The following NCAM1 variants were observed in gnomAD, a reference collection of about 807,000 sequenced individuals.
NCAM1 encodes the protein neural cell adhesion molecule 1.
Under a neutral mutation model 109.8 loss-of-function variants are expected in NCAM1, and 14 were observed. The observed-to-expected ratio is 0.13, with a 90% CI of 0.08 to 0.20. The LOEUF is 0.20. Ranked by LOEUF, NCAM1 falls within the 10% of genes least tolerant of loss-of-function variation. The pLI is 1.00. For synonymous variants in NCAM1, 418 were observed against 442.9 expected, an observed-to-expected ratio of 0.94 and a Z score of 0.70; for missense variants, 774 against 1,109.9, an observed-to-expected ratio of 0.70 and a Z score of 4.30.
chr11:113,238,570 C>G (rs1555118710), intron 14 of NCAM1, among the ~76,000 whole-genome samples: 2 of 152,166 alleles, frequency 1.3e-5, no homozygotes, highest in Non-Finnish European at 1.5e-5. Flanking sequence ...CCTTTTGCTG[C>G]TAGGAACTGA....
At chr11:113,091,679 G>C (rs989518056) in intron 1 of NCAM1, among the ~76,000 whole-genome samples, 1 of 152,174 alleles carries the variant, frequency 6.6e-6, no homozygotes, top group Non-Finnish European at 1.5e-5. Context: ...TAGTGCTGCT[G>C]GTTCTTAAAA....
chr11:113,194,214 C>T (rs1161844821), intron 1 of NCAM1, among the ~76,000 whole-genome samples: 1 of 152,140 alleles, frequency 6.6e-6, no homozygotes, highest in Non-Finnish European at 1.5e-5. Context: ...AATAAAATAT[C>T]GGATAATCAT....
At chr11:113,267,366 A>C (rs1372293138) in intron 17 of NCAM1, among the ~76,000 whole-genome samples, 1 of 151,968 alleles carries the variant, frequency 6.6e-6, no homozygotes, top group Non-Finnish European at 1.5e-5. Flanking sequence ...AGAAAGTGGC[A>C]GATAGTAGTT....
At chr11:113,033,640 G>A (rs1473983724) in intron 1 of NCAM1, among the ~76,000 whole-genome samples, 1 of 152,122 alleles carries the variant, frequency 6.6e-6, no homozygotes. Context: ...GTGGATCTAC[G>A]CTTCCTTCTG....
intron 11 of NCAM1, 41 bp downstream of exon 11, chr11:113,232,395 G>A: frequency 1.3e-6 from 2 of 1,553,710 alleles, no homozygotes; most frequent in Non-Finnish European, 8.7e-7. Context: ...AGAAAGCACA[G>A]TTTGACTCTA....
intron 18 of NCAM1, among the ~76,000 whole-genome samples, chr11:113,271,198 C>T (rs369720805): frequency 3.8e-4 from 58 of 151,762 alleles, no homozygotes; most frequent in South Asian, 1.0e-3. Flanking sequence ...GGCGAAGCCC[C>T]GCCTCTACTA....
intron 1 of NCAM1, among the ~76,000 whole-genome samples, chr11:113,148,319 G>T (rs1183743023): frequency 6.6e-6 from 1 of 151,570 alleles, no homozygotes; most frequent in African/African-American, 2.4e-5. Flanking sequence ...TCAGTCACCT[G>T]GGCCAGTTCT....
intron 1 of NCAM1, among the ~76,000 whole-genome samples, chr11:113,177,463 C>G (rs1026083173): frequency 6.6e-6 from 1 of 152,148 alleles, no homozygotes; most frequent in Non-Finnish European, 1.5e-5. Context: ...TTGCTGGAGT[C>G]TCGCTCTGTC....
intron 7 of NCAM1, among the ~76,000 whole-genome samples, chr11:113,213,585 T>TC (rs1591424270): frequency 6.6e-6 from 1 of 152,278 alleles, no homozygotes; most frequent in East Asian, 1.9e-4. Context: ...TCACCTGGAC[T>TC]CCTTCTTATT....
At chr11:113,104,731 A>G (rs1212916318) in intron 1 of NCAM1, among the ~76,000 whole-genome samples, 2 of 152,170 alleles carry the variant, frequency 1.3e-5, no homozygotes, top group African/African-American at 4.8e-5. Context: ...GTCGCTTTGG[A>G]ATAAATTGGG....
At chr11:113,025,483 T>C (rs907320890) in intron 1 of NCAM1, among the ~76,000 whole-genome samples, 1 of 152,038 alleles carries the variant, frequency 6.6e-6, no homozygotes, top group Non-Finnish European at 1.5e-5. Context: ...AGGAGACACA[T>C]GGTGTAAACG....
intron 1 of NCAM1, among the ~76,000 whole-genome samples, chr11:113,078,207 A>T (rs1357308833): frequency 6.6e-6 from 1 of 151,936 alleles, no homozygotes; most frequent in Non-Finnish European, 1.5e-5. Context: ...TGGCTCCGAG[A>T]GTTCCTTGGT....
chr11:113,053,080 C>A (rs12577005), intron 1 of NCAM1, among the ~76,000 whole-genome samples: 62,598 of 151,968 alleles, frequency 0.41, 14,461 homozygotes, highest in East Asian at 0.81. Context: ...AGGCTCCCCC[C>A]AACTTGTGCC....
At chr11:113,097,542 C>T (rs1939655739) in intron 1 of NCAM1, among the ~76,000 whole-genome samples, 1 of 151,402 alleles carries the variant, frequency 6.6e-6, no homozygotes, top group African/African-American at 2.4e-5. Flanking sequence ...TGTAGGATGA[C>T]TGCCAGCTTC....
intron 1 of NCAM1, among the ~76,000 whole-genome samples, chr11:113,053,019 G>A (rs773943715): frequency 4.4e-4 from 67 of 152,248 alleles, no homozygotes; most frequent in Non-Finnish European, 7.2e-4. Flanking sequence ...AGGTCTTTGC[G>A]TTAAAACTCT....
chr11:113,188,900 CTTA>C (rs1591399397), intron 1 of NCAM1, among the ~76,000 whole-genome samples: 1 of 151,990 alleles, frequency 6.6e-6, no homozygotes, highest in African/African-American at 2.4e-5. Context: ...ACTCACATCT[CTTA>C]TTTAGAGTTG....
At chr11:112,976,906 A>C (rs782515791) in intron 1 of NCAM1, among the ~76,000 whole-genome samples, 11 of 151,846 alleles carry the variant, frequency 7.2e-5, no homozygotes, top group Admixed American at 3.9e-4. Context: ...GATTTTAAAA[A>C]ATTATATTCA....
intron 1 of NCAM1, among the ~76,000 whole-genome samples, chr11:113,182,768 G>A (rs1160524382): frequency 2.0e-5 from 3 of 152,198 alleles, no homozygotes; most frequent in Admixed American, 6.5e-5. Flanking sequence ...CCCCGACTGG[G>A]GAGCGGGGCT....
intron 1 of NCAM1, among the ~76,000 whole-genome samples, chr11:113,080,465 C>CT (rs200415631): frequency 0.13 from 17,632 of 140,708 alleles, 1,096 homozygotes; most frequent in African/African-American, 0.15. Context: ...GGTTTTTTTT[C>CT]TTTTTTTTTT....
Sources: allele counts gnomAD v4.1 joint callset (sites outside exome capture counted in the v4.1 genomes callset), GRCh38; gene constraint gnomAD v4.1.1; transcripts MANE v1.5; gene names NCBI Gene and HGNC (gene_info 2026-07-23, HGNC 2026-07-21).